NALF1: variants seen among roughly 807,000 people sequenced by gnomAD.
NALF1 encodes the protein NALCN channel auxiliary factor 1.
In NALF1, 3 loss-of-function variants were observed where a neutral mutation model predicts 48.4. The observed-to-expected ratio is 0.06, with a 90% confidence interval of 0.03 to 0.16. NALF1 has a LOEUF of 0.16. Ranked by LOEUF, NALF1 falls within the 10% of genes least tolerant of loss-of-function variation. NALF1 has a pLI of 1.00. For synonymous variants in NALF1, 262 were observed against 245.7 expected (o/e 1.07, Z -0.62); for missense variants, 526 against 571.5 (o/e 0.92, Z 0.81).
chr13:107,763,271 CCAAT>C (rs1291439352), intron 1 of NALF1, among the ~76,000 whole-genome samples: 2 of 151,950 alleles, frequency 1.3e-5, no homozygotes, highest in Non-Finnish European at 2.9e-5. Context: ...GAATTAGTCA[CCAAT>C]CAAACTTTAA....
intron 1 of NALF1, among the ~76,000 whole-genome samples, chr13:107,464,025 G>A (rs1884959944): frequency 6.6e-6 from 1 of 152,198 alleles, no homozygotes; most frequent in Admixed American, 6.5e-5. Flanking sequence ...TACTAGTTAG[G>A]TGTAGAATAG....
rs1388292951 is a variant in NALF1 at position 107,164,216 on chromosome 13, G to A, written c.*6281C>T. 6.6e-6 allele frequency: 1 copy of A among 151,984 alleles called. No individual in the cohort carries two copies. The highest frequency in any genetic ancestry group is 1.5e-5 in the Non-Finnish European group (1 of 68,020). The allele number at this position is 151,984 out of a possible 1,614,324, so 9.4% of individuals were successfully genotyped here. A position where few individuals can be genotyped will look rare whatever the true frequency, so the allele number is the denominator to read the frequency against. On this transcript the variant is annotated 3_prime_UTR_variant, in exon 3 of 3. Coordinates refer to ENST00000375915, the MANE Select transcript of NALF1 (RefSeq NM_001080396.3). ...TAAATTTATTTCACTGATCCTTCTCGCCACTGATTCTATGCAACTCTCACC... is the reference window on the plus strand; with the variant it reads ...TAAATTTATTTCACTGATCCTTCTCACCACTGATTCTATGCAACTCTCACC...
chr13:107,433,801 T>G (rs779637537), intron 1 of NALF1, among the ~76,000 whole-genome samples: 29 of 152,198 alleles, frequency 1.9e-4, no homozygotes, highest in Non-Finnish European at 3.4e-4. Context: ...GCTTACAAGG[T>G]TAAATGAACT....
At chr13:107,183,857 G>C (rs1879117319) in intron 2 of NALF1, among the ~76,000 whole-genome samples, 1 of 152,128 alleles carries the variant, frequency 6.6e-6, no homozygotes, top group African/African-American at 2.4e-5. Flanking sequence ...GAGGAGGGCT[G>C]GGGGAGGGAT....
chr13:107,645,686 A>C lies in NALF1; in HGVS notation c.915+219996T>G, dbSNP rs1880297631. ...CCATGCAAATACTGGGAGACAAAAA[A>C]AAAAAAAAAAAAAAAAAAATCCCTG... On this transcript the variant is annotated intron_variant, in intron 1 of 2. Transcript: ENST00000375915. 1.5e-4 allele frequency among the ~76,000 whole-genome samples: 3 copies of C among 19,906 alleles called. No homozygotes were observed. The Admixed American group carries it at 1.8e-3, about 12-fold the overall frequency. 13.1% of individuals were successfully genotyped at this position (19,906 alleles called of 152,430 possible).
intron 1 of NALF1, among the ~76,000 whole-genome samples, chr13:107,448,115 C>T (rs1884680734): frequency 6.6e-6 from 1 of 152,240 alleles, no homozygotes; most frequent in East Asian, 1.9e-4. Flanking sequence ...GCCCCTGCCT[C>T]TCAGTCAGGC....
At chr13:107,360,875 T>G (rs1472940637) in intron 1 of NALF1, among the ~76,000 whole-genome samples, 1 of 152,126 alleles carries the variant, frequency 6.6e-6, no homozygotes, top group African/African-American at 2.4e-5. Flanking sequence ...TCTCTTATTC[T>G]CTTTTTCTCT....
rs1880086449 is a variant in NALF1 at position 107,639,378 on chromosome 13, A to T, written c.915+226304T>A. Among the ~76,000 whole-genome samples the T allele has an allele frequency of 2.0e-5, 3 of 152,140 alleles. No individual in the cohort carries two copies. In the South Asian group the frequency reaches 6.2e-4, roughly 31 times the overall value. ...CTCCCCGATGACCCAGCCAAAAAAA[A>T]CACGATAGTTCTGTAGACACTCCAT... On this transcript the variant is annotated intron_variant, in intron 1 of 2. Transcript: ENST00000375915.
intron 1 of NALF1, among the ~76,000 whole-genome samples, chr13:107,569,521 G>A (rs1877924195): frequency 6.6e-6 from 1 of 151,158 alleles, no homozygotes; most frequent in Non-Finnish European, 1.5e-5. Context: ...AATTAGTTTT[G>A]TTCTTCACCA....
chr13:107,773,030 G>A (rs561272346), intron 1 of NALF1, among the ~76,000 whole-genome samples: 2 of 152,114 alleles, frequency 1.3e-5, no homozygotes, highest in African/African-American at 4.8e-5. Context: ...GATTAAATGA[G>A]TACAGTGTAC....
chr13:107,475,753 A>G (rs747402244), intron 1 of NALF1, among the ~76,000 whole-genome samples: 12 of 152,324 alleles, frequency 7.9e-5, no homozygotes, highest in Non-Finnish European at 1.3e-4. Flanking sequence ...TCTAGTCAAT[A>G]AAATGAACAC....
intron 1 of NALF1, among the ~76,000 whole-genome samples, chr13:107,844,744 G>T (rs1043448041): frequency 1.3e-5 from 2 of 152,120 alleles, no homozygotes; most frequent in South Asian, 2.1e-4. Context: ...GTTCAAACAA[G>T]ATTTTGACAT....
chr13:107,864,885 G>A (rs1257446270), intron 1 of NALF1, among the ~76,000 whole-genome samples: 1 of 152,100 alleles, frequency 6.6e-6, no homozygotes, highest in African/African-American at 2.4e-5. Context: ...ATATAATACA[G>A]ACTATTAAAT....
At chr13:107,629,381 G>T (rs141032055) in intron 1 of NALF1, among the ~76,000 whole-genome samples, 1 of 152,194 alleles carries the variant, frequency 6.6e-6, no homozygotes, top group South Asian at 2.1e-4. Context: ...GTATCATATT[G>T]TTCTCTATGG....
At chr13:107,597,984 T>C (rs1004988328) in intron 1 of NALF1, among the ~76,000 whole-genome samples, 4 of 152,180 alleles carry the variant, frequency 2.6e-5, no homozygotes, top group Admixed American at 1.3e-4. Context: ...TTGAAGATTA[T>C]ATGTTACAGT....
intron 1 of NALF1, among the ~76,000 whole-genome samples, chr13:107,506,748 TTTTA>T (rs1431546133): frequency 6.6e-6 from 1 of 152,120 alleles, no homozygotes; most frequent in Non-Finnish European, 1.5e-5. Flanking sequence ...ATATACATAT[TTTTA>T]TTTATCCATT....
At chr13:107,797,572 T>A (rs1207281470) in intron 1 of NALF1, among the ~76,000 whole-genome samples, 4 of 152,176 alleles carry the variant, frequency 2.6e-5, no homozygotes, top group Non-Finnish European at 5.9e-5. Context: ...CACAAATATT[T>A]ACTAAGAATG....
At chr13:107,509,690 A>T (rs1440753771) in intron 1 of NALF1, among the ~76,000 whole-genome samples, 1 of 152,200 alleles carries the variant, frequency 6.6e-6, no homozygotes, top group African/African-American at 2.4e-5. Flanking sequence ...GCAACAAGTT[A>T]TTAGCCATTT....
chr13:107,489,930 C>T (rs767903649), intron 1 of NALF1, among the ~76,000 whole-genome samples: 3 of 151,992 alleles, frequency 2.0e-5, no homozygotes, highest in Admixed American at 6.6e-5. Context: ...TGGCAAAGAA[C>T]GTGAACATTT....
Sources: allele counts gnomAD v4.1 joint callset (sites outside exome capture counted in the v4.1 genomes callset), GRCh38; gene constraint gnomAD v4.1.1; transcripts MANE v1.5; gene names NCBI Gene and HGNC (gene_info 2026-07-23, HGNC 2026-07-21).